The following RB1 variants were observed in gnomAD, a reference collection of about 807,000 sequenced individuals.
RB1 encodes RB transcriptional corepressor 1, also known as retinoblastoma-associated protein.
RB1 carries 18 observed loss-of-function variants against 135.4 expected under a neutral mutation model. That is an observed-to-expected ratio of 0.13 (90% CI 0.09 to 0.20). The LOEUF (loss-of-function observed/expected upper bound fraction) is 0.20. Among genes scored for constraint, RB1 ranks in the 10% least tolerant of loss-of-function variants. The probability of loss-of-function intolerance (pLI) is 1.00; values close to 1 mark genes in which losing one functional copy is unlikely to be tolerated. For missense variants in RB1, 868 were observed against 1,110.0 expected (o/e 0.78, Z 3.10); for synonymous variants, 365 against 373.2 (o/e 0.98, Z 0.25).
intron 17 of RB1, among the ~76,000 whole-genome samples, chr13:48,395,580 G>A (rs1948641592): frequency 6.6e-6 from 1 of 151,942 alleles, no homozygotes; most frequent in Admixed American, 6.6e-5. Flanking sequence ...ACTTTGTGAA[G>A]CATACACAAG....
intron 17 of RB1, chr13:48,406,676 T>G (rs532071909): frequency 6.6e-6 from 1 of 152,240 alleles, no homozygotes; most frequent in Non-Finnish European, 1.5e-5. Context: ...TTTAATTCTT[T>G]CAGTATCCAA....
intron 17 of RB1, among the ~76,000 whole-genome samples, chr13:48,402,046 T>G (rs1377020470): frequency 1.3e-5 from 2 of 152,150 alleles, no homozygotes; most frequent in Non-Finnish European, 2.9e-5. Context: ...TATCATTTAG[T>G]TTTTTTCTTT....
intron 2 of RB1, among the ~76,000 whole-genome samples, chr13:48,337,702 G>T (rs1179493591): frequency 1.3e-5 from 2 of 152,022 alleles, no homozygotes; most frequent in African/African-American, 2.4e-5. Flanking sequence ...ATTGTTATGT[G>T]TGAATTTGAT....
intron 17 of RB1, among the ~76,000 whole-genome samples, chr13:48,394,868 G>A (rs995451059): frequency 6.6e-6 from 1 of 152,230 alleles, no homozygotes; most frequent in Non-Finnish European, 1.5e-5. Context: ...GAGAGCAGCA[G>A]ATCTCCCAGC....
chr13:48,345,232 G>A (rs1383056386), intron 4 of RB1, 33 bp downstream of exon 4: 3 of 1,592,280 alleles, frequency 1.9e-6, no homozygotes, highest in Non-Finnish European at 2.6e-6. Flanking sequence ...TTTACACTCT[G>A]ATTTTTTATG....
In RB1 at chr13:48,466,616, C is replaced by T. The variant is rs904377631; in HGVS notation, c.2489+1248C>T. On this transcript the variant is annotated intron_variant, in intron 23 of 26. Transcript: ENST00000267163. ...CAGACGATCAAATTACTCTGAGCTA[C>T]GGGAGGACATTCAAACCAAAGGCAA... Among the ~76,000 whole-genome samples the T allele has an allele frequency of 2.6e-3, 397 of 149,946 alleles. 3 individuals carry two copies. The highest frequency in any genetic ancestry group is 8.8e-3 in the African/African-American group (363 of 41,038).
At position 48,319,206 on chromosome 13, in the gene RB1, G is replaced by T; in HGVS notation, c.264+11800G>T. Reference sequence around the variant, plus strand: ...AGGGTCTGTGGCCTTGGTGGCCACTGGCTTCCTCTAGCTGGGTGTTTTCCT... The same window carrying T: ...AGGGTCTGTGGCCTTGGTGGCCACTTGCTTCCTCTAGCTGGGTGTTTTCCT... On this transcript the variant is annotated intron_variant, in intron 2 of 26. Transcript: ENST00000267163. This position sits in a 1 kb window ranked among gnomAD's most constrained non-coding sequence, Gnocchi z 5.0. 1.4e-6 allele frequency: 1 copy of T among 696,392 alleles called. No individual in the cohort carries two copies. Among genetic ancestry groups the T allele is most frequent in the Non-Finnish European group, 2.3e-6 (1 of 438,940 alleles). 43.1% of individuals were successfully genotyped at this position (696,392 alleles called of 1,614,324 possible). A position where few individuals can be genotyped will look rare whatever the true frequency, so the allele number is the denominator to read the frequency against.
chr13:48,364,761 T>TA, intron 8 of RB1, 133 bp from the exon 9 acceptor site: 1 of 1,040,368 alleles, frequency 9.6e-7, no homozygotes, highest in South Asian at 2.1e-5. Context: ...TAATAAAAAA[T>TA]AAAAAAGTTA....
chr13:48,463,427 A>G (rs1385030623), intron 20 of RB1, among the ~76,000 whole-genome samples: 1 of 152,344 alleles, frequency 6.6e-6, no homozygotes, highest in Non-Finnish European at 1.5e-5. Flanking sequence ...GTTATACAAA[A>G]TTAACTGATT....
intron 2 of RB1, among the ~76,000 whole-genome samples, chr13:48,311,272 G>A (rs2138040085): frequency 6.6e-6 from 1 of 152,236 alleles, no homozygotes; most frequent in African/African-American, 2.4e-5. Flanking sequence ...GGGATATATT[G>A]CTCTTGATAG....
intron 17 of RB1, chr13:48,444,582 T>C (rs771916042): frequency 6.6e-6 from 1 of 152,286 alleles, no homozygotes; most frequent in African/African-American, 2.4e-5. Context: ...TTGCAAAGGA[T>C]ACAGATGAGG....
At chr13:48,417,601 A>G (rs1215398564) in intron 17 of RB1, among the ~76,000 whole-genome samples, 3 of 152,100 alleles carry the variant, frequency 2.0e-5, no homozygotes, top group Non-Finnish European at 1.5e-5. Context: ...CCAAAGGACC[A>G]TGTTCTAACC....
At chr13:48,408,421 G>A (rs1948758877) in intron 17 of RB1, among the ~76,000 whole-genome samples, 1 of 152,020 alleles carries the variant, frequency 6.6e-6, no homozygotes, top group Admixed American at 6.6e-5. Flanking sequence ...CCTTTGAAGG[G>A]AGTTAATGTG....
intron 2 of RB1, among the ~76,000 whole-genome samples, chr13:48,324,342 A>G (rs1249161258): frequency 1.3e-5 from 2 of 151,730 alleles, no homozygotes; most frequent in Non-Finnish European, 2.9e-5. Flanking sequence ...TTTTGTACCC[A>G]TTAACCAACT....
At chr13:48,473,242 G>A in intron 23 of RB1, 118 bp from the exon 24 acceptor site, 1 of 784,130 alleles carries the variant, frequency 1.3e-6, no homozygotes, top group Non-Finnish European at 2.2e-6. Context: ...TGGTTCTAGG[G>A]TAGAGGTAAC....
intron 2 of RB1, chr13:48,316,715 A>G (rs1952185992): frequency 6.9e-6 from 1 of 145,248 alleles, no homozygotes; most frequent in African/African-American, 2.9e-5. Context: ...CAACCACAGA[A>G]CCATCACACA....
intron 2 of RB1, chr13:48,318,804 G>T: frequency 1.2e-6 from 1 of 859,480 alleles, no homozygotes; most frequent in Non-Finnish European, 1.9e-6. Context: ...TGGGCCCTGG[G>T]CAGCCTGCGA....
Position 48,459,929 on chromosome 13 carries a change from CTTTCTTTCTTTCTTTCTTTCTT to C in RB1, c.2106+114_2106+135del, listed in dbSNP as rs1298129037. On this transcript the variant is annotated intron_variant, in intron 20 of 26. Coordinates refer to ENST00000267163, the MANE Select transcript of RB1 (RefSeq NM_000321.3). Reference sequence around the variant, plus strand: ...TCTTTCTTTCTTTCTTTCTTTCTTTCTTTCTTTCTTTCTTTCTTTCTTTTTCTTTCTTTCTTTCTCTCTTTCT... The same window carrying C: ...TCTTTCTTTCTTTCTTTCTTTCTTTCTTTCTTTCTTTCTTTCTCTCTTTCT... 3 of 490,368 alleles carry C rather than the reference CTTTCTTTCTTTCTTTCTTTCTT, an allele frequency of 6.1e-6. No homozygotes were observed. The African/African-American group carries it at 1.2e-4, about 19-fold the overall frequency. The allele number at this position is 490,368 out of a possible 1,614,324, so 30.4% of individuals were successfully genotyped here.
At chr13:48,424,463 G>A (rs1949051244) in intron 17 of RB1, among the ~76,000 whole-genome samples, 1 of 152,202 alleles carries the variant, frequency 6.6e-6, no homozygotes, top group Admixed American at 6.5e-5. Flanking sequence ...AGTAAAAGTT[G>A]ATGGGAATGA....
Sources: gnomAD v4.1 joint callset for allele counts (sites outside exome capture counted in the v4.1 genomes callset) on GRCh38, gnomAD v4.1.1 for gene constraint, Gnocchi (gnomAD v3.1) non-coding constraint, MANE v1.5 for transcripts, NCBI Gene and HGNC (gene_info 2026-07-23, HGNC 2026-07-21) for gene names.